PLXDC2: variants seen among roughly 807,000 people sequenced by gnomAD.
PLXDC2 encodes the protein plexin domain-containing protein 2.
In PLXDC2, 40 loss-of-function variants were observed where a neutral mutation model predicts 68.9. The ratio of observed to expected loss-of-function variants is 0.58; its 90% CI spans 0.45 to 0.76. The LOEUF (loss-of-function observed/expected upper bound fraction) is 0.76, where lower values mean the gene tolerates loss of function less well. Among genes scored for constraint, PLXDC2 ranks in the 30% least tolerant of loss-of-function variants. PLXDC2 has a pLI of 0.00. For missense variants in PLXDC2, 644 were observed against 661.9 expected (o/e 0.97, Z 0.30); for synonymous variants, 243 against 234.2 (o/e 1.04, Z -0.34).
At chr10:20,065,581 G>A (rs10827951) in intron 3 of PLXDC2, among the ~76,000 whole-genome samples, 54,378 of 151,914 alleles carry the variant, frequency 0.36, 11,291 homozygotes, top group East Asian at 0.7. Context: ...ATAATATATA[G>A]TGAAATGATT....
intron 1 of PLXDC2, among the ~76,000 whole-genome samples, chr10:19,966,866 AG>A (rs917215471): frequency 2.6e-5 from 4 of 152,252 alleles, no homozygotes; most frequent in African/African-American, 7.2e-5. Context: ...TGCAGAGGCC[AG>A]GGGGAAACAC....
At chr10:19,834,471 G>C (rs914962593) in intron 1 of PLXDC2, among the ~76,000 whole-genome samples, 1 of 152,130 alleles carries the variant, frequency 6.6e-6, no homozygotes. Flanking sequence ...GGGTCTCTGA[G>C]GACCGAATCA....
intron 4 of PLXDC2, among the ~76,000 whole-genome samples, chr10:20,093,913 G>T (rs191468970): frequency 1.1e-3 from 167 of 152,088 alleles, no homozygotes; most frequent in Non-Finnish European, 2.1e-3. Flanking sequence ...GAATTCAGGC[G>T]ATCTGCCGGA....
intron 1 of PLXDC2, among the ~76,000 whole-genome samples, chr10:19,916,008 T>G (rs1278543696): frequency 6.6e-6 from 1 of 151,946 alleles, no homozygotes; most frequent in African/African-American, 2.4e-5. Context: ...CATGTGTACC[T>G]CTCTTGCATC....
rs7072650 is a variant in PLXDC2, at chr10:20,068,254, A to G, written c.541+15A>G. On this transcript the variant is annotated intron_variant, in intron 4 of 13. Transcript: ENST00000377252. The stretch of plus-strand genomic sequence containing the variant: ...GGCAACCGGGGGTAAGTGGTTTTCT[A>G]CCCATTCACCTTAAGTAATCTATGG... The G allele has an allele frequency of 0.22, 343,111 of 1,589,152 alleles. 40,559 individuals are homozygous for G. The highest frequency in any genetic ancestry group is 0.37 in the Admixed American group (22,085 of 59,290).
intron 4 of PLXDC2, among the ~76,000 whole-genome samples, chr10:20,138,249 C>G (rs1304594175): frequency 6.6e-6 from 1 of 152,062 alleles, no homozygotes; most frequent in African/African-American, 2.4e-5. Flanking sequence ...TCGCAGTTTC[C>G]AAGAACCTGG....
intron 1 of PLXDC2, among the ~76,000 whole-genome samples, chr10:19,825,541 A>G (rs1836555331): frequency 6.6e-6 from 1 of 152,188 alleles, no homozygotes; most frequent in South Asian, 2.1e-4. Flanking sequence ...TTTTTTGGGT[A>G]GTAGTTACAG....
At chr10:20,007,471 T>C (rs1236729646) in intron 2 of PLXDC2, among the ~76,000 whole-genome samples, 1 of 152,230 alleles carries the variant, frequency 6.6e-6, no homozygotes, top group African/African-American at 2.4e-5. Context: ...ATTTCCACTC[T>C]TGGGACATTG....
At chr10:20,113,992 C>T (rs11011807) in intron 4 of PLXDC2, among the ~76,000 whole-genome samples, 5,336 of 152,156 alleles carry the variant, frequency 0.035, 311 homozygotes, top group African/African-American at 0.12. Context: ...GGCATGATGG[C>T]AGGTGCCTGT....
At chr10:20,272,308 C>A (rs1835950422) in intron 13 of PLXDC2, among the ~76,000 whole-genome samples, 1 of 151,972 alleles carries the variant, frequency 6.6e-6, no homozygotes, top group African/African-American at 2.4e-5. Flanking sequence ...CAAATATTTC[C>A]TTTTTAAATG....
rs146945616 is a variant in PLXDC2, at chr10:20,226,404, C to T, written c.1312+7302C>T. 3.9e-3 allele frequency among the ~76,000 whole-genome samples: 600 copies of T among 152,250 alleles called. 4 individuals carry two copies. The highest frequency in any genetic ancestry group is 0.013 in the African/African-American group (547 of 41,552). The stretch of plus-strand genomic sequence containing the variant: ...CCCAGGGAGGCCAAAATATTGGACA[C>T]CCCTGATTTAAGCTGTTGACAAATG... On this transcript the variant is annotated intron_variant, in intron 12 of 13. Coordinates refer to ENST00000377252, the MANE Select transcript of PLXDC2 (RefSeq NM_032812.9).
chr10:20,075,755 T>C (rs1836430673), intron 4 of PLXDC2, among the ~76,000 whole-genome samples: 1 of 152,036 alleles, frequency 6.6e-6, no homozygotes, highest in African/African-American at 2.4e-5. Flanking sequence ...GAGCAGAGCA[T>C]TGGCACATGA....
intron 11 of PLXDC2, among the ~76,000 whole-genome samples, chr10:20,217,929 A>G (rs1835161988): frequency 6.6e-6 from 1 of 152,114 alleles, no homozygotes; most frequent in Non-Finnish European, 1.5e-5. Flanking sequence ...ATCACAGGTT[A>G]GAAAGGCAAA....
At chr10:20,139,258 T>TAA (rs1407706293) in intron 4 of PLXDC2, among the ~76,000 whole-genome samples, 1 of 152,200 alleles carries the variant, frequency 6.6e-6, no homozygotes, top group Non-Finnish European at 1.5e-5. Context: ...TAAGGCAAAA[T>TAA]GGAGTGGCCG....
At chr10:19,972,339 A>T (rs1834368969) in intron 1 of PLXDC2, among the ~76,000 whole-genome samples, 1 of 152,220 alleles carries the variant, frequency 6.6e-6, no homozygotes, top group Admixed American at 6.5e-5. Flanking sequence ...AAATTAATGC[A>T]GAAACAGAAA....
At chr10:19,855,313 G>A (rs1039730140) in intron 1 of PLXDC2, among the ~76,000 whole-genome samples, 3 of 152,096 alleles carry the variant, frequency 2.0e-5, no homozygotes, top group Non-Finnish European at 4.4e-5. Flanking sequence ...ATCGTCAATG[G>A]TTGGCTTTTG....
intron 2 of PLXDC2, among the ~76,000 whole-genome samples, chr10:20,007,278 G>A (rs898712386): frequency 2.0e-5 from 3 of 152,230 alleles, no homozygotes; most frequent in African/African-American, 7.2e-5. Context: ...TGCTTTGACA[G>A]TGTTGGCTGA....
At chr10:19,911,423 C>T (rs898760455) in intron 1 of PLXDC2, among the ~76,000 whole-genome samples, 2 of 152,158 alleles carry the variant, frequency 1.3e-5, no homozygotes, top group Non-Finnish European at 2.9e-5. Flanking sequence ...CCTTAGTTGT[C>T]TCATTCAAGT....
At chr10:20,235,223 A>G (rs1040825707) in intron 12 of PLXDC2, among the ~76,000 whole-genome samples, 4 of 152,210 alleles carry the variant, frequency 2.6e-5, no homozygotes, top group African/African-American at 9.6e-5. Flanking sequence ...TTCACTCAGC[A>G]TGCCCCTAAG....
Sources: gnomAD v4.1 joint callset for allele counts (sites outside exome capture counted in the v4.1 genomes callset) on GRCh38, gnomAD v4.1.1 for gene constraint, MANE v1.5 for transcripts, NCBI Gene and HGNC (gene_info 2026-07-23, HGNC 2026-07-21) for gene names.